Variants in ERBB4 observed in about 807,000 individuals in gnomAD.
ERBB4 encodes the protein receptor tyrosine-protein kinase erbB-4.
A neutral mutation model predicts 158.0 loss-of-function variants in ERBB4; 42 were observed. The ratio of observed to expected loss-of-function variants is 0.27; its 90% CI spans 0.21 to 0.34. ERBB4 has a LOEUF of 0.34. Among genes scored for constraint, ERBB4 ranks in the 10% least tolerant of loss-of-function variants. ERBB4 has a pLI of 1.00. For synonymous variants in ERBB4, 583 were observed against 558.7 expected, an observed-to-expected ratio of 1.04 and a Z score of -0.61; for missense variants, 1,333 against 1,624.1, an observed-to-expected ratio of 0.82 and a Z score of 3.08.
chr2:211,662,358 T>C (rs996874073), intron 15 of ERBB4, among the ~76,000 whole-genome samples: 15 of 152,148 alleles, frequency 9.9e-5, no homozygotes, highest in Admixed American at 7.9e-4. Context: ...ATCTTGCTAA[T>C]TTCAAATCTG....
At chr2:211,972,224 C>T (rs917902592) in intron 2 of ERBB4, among the ~76,000 whole-genome samples, 2 of 152,206 alleles carry the variant, frequency 1.3e-5, no homozygotes, top group South Asian at 4.1e-4. Flanking sequence ...ACAAGGAAAA[C>T]TACAAACCCC....
intron 1 of ERBB4, among the ~76,000 whole-genome samples, chr2:212,306,859 A>G (rs2086830576): frequency 6.6e-6 from 1 of 151,138 alleles, no homozygotes; most frequent in African/African-American, 2.4e-5. Flanking sequence ...TAATAATTTA[A>G]ATAAAAACCA....
intron 2 of ERBB4, among the ~76,000 whole-genome samples, chr2:212,028,254 A>T (rs2076819860): frequency 6.6e-6 from 1 of 151,984 alleles, no homozygotes; most frequent in Non-Finnish European, 1.5e-5. Flanking sequence ...AATTTCCAAA[A>T]CTCCTTGAAC....
chr2:211,736,045 C>A (rs1315676551), intron 5 of ERBB4, among the ~76,000 whole-genome samples: 1 of 151,886 alleles, frequency 6.6e-6, no homozygotes, highest in Non-Finnish European at 1.5e-5. Flanking sequence ...CACCTGTAGT[C>A]CTAGCTGCTT....
At chr2:212,450,169 C>A (rs970801658) in intron 1 of ERBB4, among the ~76,000 whole-genome samples, 3 of 152,056 alleles carry the variant, frequency 2.0e-5, no homozygotes, top group Non-Finnish European at 4.4e-5. Flanking sequence ...CAATAATAAC[C>A]TAAATAGCAA....
At chr2:212,235,844 C>T (rs766317722) in intron 1 of ERBB4, among the ~76,000 whole-genome samples, 20 of 152,280 alleles carry the variant, frequency 1.3e-4, no homozygotes, top group African/African-American at 4.8e-4. Flanking sequence ...GCTGAAGTTG[C>T]TTATCAGCTT....
intron 16 of ERBB4, among the ~76,000 whole-genome samples, chr2:211,636,138 G>T (rs1327468786): frequency 6.6e-6 from 1 of 151,758 alleles, no homozygotes; most frequent in Non-Finnish European, 1.5e-5. Flanking sequence ...ATATAAGAAG[G>T]AAAAACAAAC....
intron 20 of ERBB4, among the ~76,000 whole-genome samples, chr2:211,459,277 A>G (rs1191757630): frequency 6.6e-6 from 1 of 152,188 alleles, no homozygotes; most frequent in Non-Finnish European, 1.5e-5. Context: ...GAAAAATGCA[A>G]TGTGGTCAAC....
At chr2:212,147,671 AT>A (rs1334712498) in intron 1 of ERBB4, among the ~76,000 whole-genome samples, 1 of 152,204 alleles carries the variant, frequency 6.6e-6, no homozygotes, top group Non-Finnish European at 1.5e-5. Context: ...GGATGTATGT[AT>A]TGAAAATCTA....
chr2:212,329,670 A>G (rs912154402), intron 1 of ERBB4, among the ~76,000 whole-genome samples: 1 of 152,028 alleles, frequency 6.6e-6, no homozygotes, highest in African/African-American at 2.4e-5. Context: ...ACCTCCTTAC[A>G]TGATAAAAGT....
chr2:212,359,649 T>A (rs1014294306), intron 1 of ERBB4, among the ~76,000 whole-genome samples: 1 of 151,758 alleles, frequency 6.6e-6, no homozygotes, highest in Non-Finnish European at 1.5e-5. Flanking sequence ...GGCAGTTTTG[T>A]CTGGGAAACC....
At chr2:212,097,254 A>T (rs1217365782) in intron 2 of ERBB4, among the ~76,000 whole-genome samples, 1 of 152,058 alleles carries the variant, frequency 6.6e-6, no homozygotes, top group African/African-American at 2.4e-5. Flanking sequence ...CAGAAGGGAG[A>T]GGGGAAAAGT....
At chr2:211,482,497 T>C (rs1216353347) in intron 20 of ERBB4, among the ~76,000 whole-genome samples, 1 of 152,140 alleles carries the variant, frequency 6.6e-6, no homozygotes, top group East Asian at 1.9e-4. Flanking sequence ...AGAATATCTA[T>C]GGGAATAAAA....
intron 1 of ERBB4, among the ~76,000 whole-genome samples, chr2:212,159,487 A>T (rs918510239): frequency 6.6e-6 from 1 of 151,982 alleles, no homozygotes; most frequent in African/African-American, 2.4e-5. Flanking sequence ...TATACATTTA[A>T]AATAATTAGA....
intron 4 of ERBB4, 122 bp downstream of exon 4, chr2:211,787,903 C>G: frequency 2.1e-6 from 2 of 931,144 alleles, no homozygotes; most frequent in Non-Finnish European, 3.4e-6. Flanking sequence ...CCATATATAA[C>G]TGAACATTTC....
At chr2:211,468,876 A>G (rs1390328436) in intron 20 of ERBB4, among the ~76,000 whole-genome samples, 1 of 150,730 alleles carries the variant, frequency 6.6e-6, no homozygotes, top group Non-Finnish European at 1.5e-5. Flanking sequence ...AAAACCCTGC[A>G]TACTCTTTTA....
At chr2:211,734,814 G>A (rs963526842) in intron 5 of ERBB4, among the ~76,000 whole-genome samples, 7 of 149,698 alleles carry the variant, frequency 4.7e-5, no homozygotes, top group African/African-American at 1.2e-4. Flanking sequence ...CCAGCTACTC[G>A]GGAGGCTGAG....
intron 20 of ERBB4, among the ~76,000 whole-genome samples, chr2:211,452,630 C>G (rs2125481634): frequency 6.6e-6 from 1 of 152,270 alleles, no homozygotes; most frequent in Admixed American, 6.5e-5. Context: ...CCAACTATCT[C>G]AACCTCTATC....
At chr2:212,020,155 T>C (rs2076617518) in intron 2 of ERBB4, among the ~76,000 whole-genome samples, 1 of 152,090 alleles carries the variant, frequency 6.6e-6, no homozygotes, top group African/African-American at 2.4e-5. Flanking sequence ...CTGCTTGGGA[T>C]ATAAGACATG....
Sources: allele counts gnomAD v4.1 joint callset (sites outside exome capture counted in the v4.1 genomes callset), GRCh38; gene constraint gnomAD v4.1.1; transcripts MANE v1.5; gene names NCBI Gene and HGNC (gene_info 2026-07-23, HGNC 2026-07-21).